Variants in INPP4B observed in about 807,000 individuals in gnomAD.
INPP4B encodes inositol polyphosphate 4-phosphatase type II.
INPP4B carries 55 observed loss-of-function variants against 122.5 expected under a neutral mutation model. The ratio of observed to expected loss-of-function variants is 0.45; its 90% confidence interval spans 0.36 to 0.56. The LOEUF (loss-of-function observed/expected upper bound fraction) is 0.56. Among genes scored for constraint, INPP4B ranks in the 20% least tolerant of loss-of-function variants. The probability of loss-of-function intolerance (pLI) is 0.00; values close to 1 mark genes in which losing one functional copy is unlikely to be tolerated. For missense variants in INPP4B, 1,000 were observed against 1,097.7 expected, an observed-to-expected ratio of 0.91 and a Z score of 1.26; for synonymous variants, 403 against 388.7, an observed-to-expected ratio of 1.04 and a Z score of -0.43.
chr4:142,118,701 A>T (rs1198053491), intron 21 of INPP4B, among the ~76,000 whole-genome samples: 87 of 147,780 alleles, frequency 5.9e-4, no homozygotes, highest in Admixed American at 6.8e-4. Context: ...CTAGAAGAAA[A>T]CCTAGGCAAT....
chr4:142,756,794 G>T (rs1447216900), intron 1 of INPP4B, among the ~76,000 whole-genome samples: 4 of 151,984 alleles, frequency 2.6e-5, no homozygotes, highest in Non-Finnish European at 5.9e-5. Flanking sequence ...CCTGAATTAG[G>T]CACATGAAAT....
intron 7 of INPP4B, among the ~76,000 whole-genome samples, chr4:142,369,627 A>C (rs1377927296): frequency 1.3e-5 from 2 of 150,102 alleles, no homozygotes; most frequent in Non-Finnish European, 3.0e-5. Context: ...AAAATAAAAA[A>C]ATAAAAAAAA....
chr4:142,586,219 G>A (rs1398667604), intron 2 of INPP4B, among the ~76,000 whole-genome samples: 1 of 152,054 alleles, frequency 6.6e-6, no homozygotes, highest in Non-Finnish European at 1.5e-5. Context: ...GGCTAATGCA[G>A]GGAAATTGTT....
intron 25 of INPP4B, chr4:142,030,227 A>G: frequency 2.6e-6 from 4 of 1,535,670 alleles, no homozygotes; most frequent in Non-Finnish European, 2.6e-6. Context: ...AGAAGTGTCG[A>G]GAAGTTGGCT....
intron 7 of INPP4B, among the ~76,000 whole-genome samples, chr4:142,335,359 A>G (rs1776241785): frequency 6.6e-6 from 1 of 151,900 alleles, no homozygotes; most frequent in South Asian, 2.1e-4. Flanking sequence ...TGGTCCTGTT[A>G]TTTTTCTAGT....
intron 10 of INPP4B, among the ~76,000 whole-genome samples, chr4:142,267,926 A>C (rs763325620): frequency 6.6e-6 from 1 of 152,188 alleles, no homozygotes; most frequent in Non-Finnish European, 1.5e-5. Context: ...ACAAATGGCC[A>C]ACGGATATAT....
At chr4:142,824,369 G>C (rs779580697) in intron 1 of INPP4B, among the ~76,000 whole-genome samples, 7 of 141,388 alleles carry the variant, frequency 5.0e-5, no homozygotes, top group Non-Finnish European at 1.1e-4. Context: ...TTTCTCTGGA[G>C]AACCCAGGCC....
intron 2 of INPP4B, among the ~76,000 whole-genome samples, chr4:142,564,238 C>G (rs1731093906): frequency 6.6e-6 from 1 of 151,956 alleles, no homozygotes; most frequent in African/African-American, 2.4e-5. Flanking sequence ...TTGCAGTTTA[C>G]CTGGGGAAGC....
intron 14 of INPP4B, among the ~76,000 whole-genome samples, chr4:142,199,768 T>C (rs185599736): frequency 3.3e-5 from 5 of 152,132 alleles, no homozygotes; most frequent in Admixed American, 3.3e-4. Flanking sequence ...GGTTGTGCAA[T>C]ATGGAGCAGA....
chr4:142,114,559 T>C (rs1382564238), intron 21 of INPP4B, among the ~76,000 whole-genome samples: 1 of 152,106 alleles, frequency 6.6e-6, no homozygotes, highest in Non-Finnish European at 1.5e-5. Context: ...CATTCATATA[T>C]CCTATTTGGT....
intron 7 of INPP4B, among the ~76,000 whole-genome samples, chr4:142,323,724 C>T (rs1045020944): frequency 3.3e-5 from 5 of 151,328 alleles, no homozygotes; most frequent in Non-Finnish European, 5.9e-5. Context: ...GGATTACAGG[C>T]GTGAGCCACA....
chr4:142,515,429 C>A (rs182833975), intron 2 of INPP4B, among the ~76,000 whole-genome samples: 1 of 152,156 alleles, frequency 6.6e-6, no homozygotes, highest in African/African-American at 2.4e-5. Flanking sequence ...TTAAAGCCCT[C>A]ATTAAATGCC....
intron 23 of INPP4B, among the ~76,000 whole-genome samples, chr4:142,089,437 C>CCA (rs36203495): frequency 0.096 from 13,510 of 141,012 alleles, 623 homozygotes; most frequent in Middle Eastern, 0.13. Flanking sequence ...GATGTTCTCA[C>CCA]CACACACACA....
Position 142,384,212 on chromosome 4 carries a change from T to C in INPP4B, c.372+18726A>G. 3 of 675,790 alleles carry C rather than the reference T, an allele frequency of 4.4e-6. No individual in the cohort carries two copies. In the South Asian group the frequency reaches 4.8e-5, roughly 11 times the overall value. 41.9% of individuals were successfully genotyped at this position (675,790 alleles called of 1,614,324 possible). A position where few individuals can be genotyped will look rare whatever the true frequency, so the allele number is the denominator to read the frequency against. The stretch of plus-strand genomic sequence containing the variant: ...TACATGTGGGTTAAGACAAAAGAAA[T>C]ACCTTAGAAAAAACAGGTATTAACT... On this transcript the variant is annotated intron_variant, in intron 7 of 25. Transcript: ENST00000262992.
chr4:142,151,139 C>T (rs2152865071), intron 17 of INPP4B, among the ~76,000 whole-genome samples: 1 of 152,312 alleles, frequency 6.6e-6, no homozygotes, highest in Admixed American at 6.5e-5. Flanking sequence ...GTCTGTAATA[C>T]TGCAAACCTT....
At chr4:142,669,836 A>G (rs1756729953) in intron 2 of INPP4B, among the ~76,000 whole-genome samples, 1 of 152,124 alleles carries the variant, frequency 6.6e-6, no homozygotes, top group African/African-American at 2.4e-5. Flanking sequence ...AAGAAAGATA[A>G]CAAGTGTTGG....
chr4:142,311,996 A>G (rs181237113), intron 8 of INPP4B, among the ~76,000 whole-genome samples: 1 of 152,320 alleles, frequency 6.6e-6, no homozygotes, highest in Non-Finnish European at 1.5e-5. Context: ...AACATGAGAA[A>G]AACAAACCCA....
At chr4:142,242,919 TTC>T (rs930067456) in intron 11 of INPP4B, among the ~76,000 whole-genome samples, 2 of 152,302 alleles carry the variant, frequency 1.3e-5, no homozygotes, top group African/African-American at 4.8e-5. Context: ...GTTTTTCTTG[TTC>T]TCTTTTTTTC....
intron 10 of INPP4B, among the ~76,000 whole-genome samples, chr4:142,263,322 C>A (rs1740998762): frequency 1.3e-5 from 2 of 152,038 alleles, no homozygotes; most frequent in Non-Finnish European, 2.9e-5. Context: ...ATAGCATTGT[C>A]TTTGACTACT....
Sources: allele counts gnomAD v4.1 joint callset (sites outside exome capture counted in the v4.1 genomes callset), GRCh38; gene constraint gnomAD v4.1.1; transcripts MANE v1.5; gene names NCBI Gene and HGNC (gene_info 2026-07-23, HGNC 2026-07-21).